The following DCAF1 variants were observed in gnomAD, a reference collection of about 807,000 sequenced individuals.
DCAF1 encodes the protein DDB1 and CUL4 associated factor 1, also known as DDB1- and CUL4-associated factor 1.
Under a neutral mutation model 128.0 loss-of-function variants are expected in DCAF1, and 15 were observed. The ratio of observed to expected loss-of-function variants is 0.12; its 90% CI spans 0.08 to 0.18. The LOEUF (loss-of-function observed/expected upper bound fraction) is 0.18, where lower values mean the gene tolerates loss of function less well. Among genes scored for constraint, DCAF1 ranks in the 10% least tolerant of loss-of-function variants. The pLI is 1.00. For synonymous variants in DCAF1, 610 were observed against 603.0 expected (o/e 1.01, Z -0.17); for missense variants, 988 against 1,649.5 (o/e 0.60, Z 6.95).
intron 4 of DCAF1, among the ~76,000 whole-genome samples, chr3:51,468,975 CTGATT>C (rs1704434321): frequency 1.3e-5 from 2 of 152,264 alleles, no homozygotes; most frequent in African/African-American, 2.4e-5. Context: ...TCTTCATGCT[CTGATT>C]TGAGTTATTG....
intron 5 of DCAF1, 116 bp downstream of exon 5, chr3:51,466,687 A>T: frequency 2.0e-6 from 2 of 978,740 alleles, no homozygotes; most frequent in Non-Finnish European, 3.0e-6. Context: ...TTGGCAAAAA[A>T]CTCTACTCCC....
intron 6 of DCAF1, among the ~76,000 whole-genome samples, chr3:51,448,122 G>A (rs1702049965): frequency 6.6e-6 from 1 of 152,092 alleles, no homozygotes; most frequent in Non-Finnish European, 1.5e-5. Flanking sequence ...TGTACTTCCT[G>A]AATCTGAATG....
intron 2 of DCAF1, among the ~76,000 whole-genome samples, chr3:51,484,588 G>A (rs1243497745): frequency 7.9e-5 from 12 of 152,000 alleles, no homozygotes; most frequent in African/African-American, 2.7e-4. Context: ...CACAAAATGT[G>A]GCCAAAACTA....
chr3:51,419,940 C>A lies in DCAF1; in HGVS notation c.3030G>T (p.Glu1010Asp). ...SPPTLDSIIT[E>D]YLREQHARCK... Reference sequence around the variant, plus strand: ...AGCGAGCATGTTGTTCTCTAAGATACTCTGTGATTATACTGTCCAGCGTAG... The same window carrying A: ...AGCGAGCATGTTGTTCTCTAAGATAATCTGTGATTATACTGTCCAGCGTAG... The change falls in exon 15 of 25, where the codon GAG becomes GAT. Residue 1010 changes from glutamate to aspartate, a missense_variant. By Grantham distance (45) the Glu-to-Asp change is conservative. This residue lies in a region of DCAF1 where 105 missense variants were observed against 266.7 expected (regional missense o/e 0.39). Transcript: ENST00000684031. 4 of 1,614,052 alleles carry A rather than the reference C, an allele frequency of 2.5e-6. No individual in the cohort carries two copies. Among genetic ancestry groups the A allele is most frequent in the Non-Finnish European group, 3.4e-6 (4 of 1,179,910 alleles).
intron 6 of DCAF1, among the ~76,000 whole-genome samples, chr3:51,459,702 A>G (rs1553643935): frequency 6.6e-6 from 1 of 152,232 alleles, no homozygotes; most frequent in African/African-American, 2.4e-5. Flanking sequence ...CAAAAAGCTT[A>G]TCTACCATGA....
At chr3:51,432,391 C>T (rs1287862254) in intron 10 of DCAF1, among the ~76,000 whole-genome samples, 7 of 151,178 alleles carry the variant, frequency 4.6e-5, no homozygotes, top group Admixed American at 4.6e-4. Context: ...TAAAAATACA[C>T]AAACATATAC....
intron 3 of DCAF1, among the ~76,000 whole-genome samples, chr3:51,478,088 C>T (rs1429298727): frequency 5.3e-5 from 8 of 152,112 alleles, no homozygotes; most frequent in Non-Finnish European, 1.2e-4. Flanking sequence ...ACTGCAGCCT[C>T]GACCTACCTG....
rs1427261850 is a variant in DCAF1 at position 51,462,670 on chromosome 3, C to T, written c.375+444G>A. Among the ~76,000 whole-genome samples the T allele has an allele frequency of 3.4e-5, 5 of 145,584 alleles. No homozygotes were observed. In the East Asian group the frequency reaches 1.0e-3, roughly 30 times the overall value. ...CTGAGGCAGGAGAATCACTTAAGCC[C>T]GGGAGGCAGAGGTTGTAGTGAGCTG... On this transcript the variant is annotated intron_variant, in intron 6 of 24. Transcript: ENST00000684031.
intron 23 of DCAF1, among the ~76,000 whole-genome samples, chr3:51,411,189 A>G (rs1253559487): frequency 6.6e-6 from 1 of 151,772 alleles, no homozygotes; most frequent in African/African-American, 2.4e-5. Context: ...AAAGAGAGAC[A>G]AAGCACCAAG....
At chr3:51,429,956 A>T in intron 11 of DCAF1, 77 bp downstream of exon 11, 1 of 725,436 alleles carries the variant, frequency 1.4e-6, no homozygotes, top group Non-Finnish European at 2.5e-6. Context: ...TCCTTTCTTC[A>T]AGGGTGTGCC....
chr3:51,434,081 CAAA>C (rs1282871237), intron 9 of DCAF1, among the ~76,000 whole-genome samples: 3 of 91,876 alleles, frequency 3.3e-5, no homozygotes, highest in African/African-American at 4.2e-5. Context: ...GACCCTGTCT[CAAA>C]AAAAAAAAAA....
At chr3:51,483,518 G>A (rs1553653842) in intron 3 of DCAF1, among the ~76,000 whole-genome samples, 1 of 151,560 alleles carries the variant, frequency 6.6e-6, no homozygotes, top group Non-Finnish European at 1.5e-5. Flanking sequence ...TAAATCTGAG[G>A]AAAGAAAAAA....
At chr3:51,417,970 C>T (rs1553630968) in intron 17 of DCAF1, 146 bp downstream of exon 17, 2 of 1,002,710 alleles carry the variant, frequency 2.0e-6, no homozygotes, top group African/African-American at 1.6e-5. Context: ...TCTTATTAAA[C>T]ATGAGTCTTA....
intron 13 of DCAF1, among the ~76,000 whole-genome samples, chr3:51,424,116 G>T (rs1699685771): frequency 6.6e-6 from 1 of 152,008 alleles, no homozygotes; most frequent in Non-Finnish European, 1.5e-5. Flanking sequence ...AGAAATGTTG[G>T]ATGTCTTTTG....
intron 6 of DCAF1, among the ~76,000 whole-genome samples, chr3:51,444,605 G>A (rs1553639797): frequency 6.6e-6 from 1 of 151,906 alleles, no homozygotes; most frequent in Non-Finnish European, 1.5e-5. Context: ...GCCCACCTCG[G>A]CCTCCCAAAG....
intron 3 of DCAF1, among the ~76,000 whole-genome samples, chr3:51,473,480 G>A (rs1438655661): frequency 4.0e-4 from 24 of 59,870 alleles, no homozygotes; most frequent in Non-Finnish European, 6.9e-4. Flanking sequence ...GACAGAATGA[G>A]ACTCCATCTC....
intron 6 of DCAF1, among the ~76,000 whole-genome samples, chr3:51,457,698 G>A (rs1267071500): frequency 6.6e-6 from 1 of 152,226 alleles, no homozygotes; most frequent in Non-Finnish European, 1.5e-5. Flanking sequence ...AAGCCCATCA[G>A]ACTAACAGCT....
chr3:51,495,704 A>G (rs1199895076), intron 2 of DCAF1, among the ~76,000 whole-genome samples: 1 of 151,588 alleles, frequency 6.6e-6, no homozygotes, highest in Non-Finnish European at 1.5e-5. Context: ...ACCAGCCTGG[A>G]CAACATGGTG....
intron 6 of DCAF1, among the ~76,000 whole-genome samples, chr3:51,448,572 A>G (rs1049081378): frequency 1.5e-4 from 23 of 152,200 alleles, no homozygotes; most frequent in African/African-American, 4.8e-4. Context: ...TTTTTCATAA[A>G]GTCTTGGACT....
Sources: allele counts gnomAD v4.1 joint callset (sites outside exome capture counted in the v4.1 genomes callset), GRCh38; gene constraint gnomAD v4.1.1; regional missense constraint gnomAD v4.1.1; transcripts MANE v1.5; gene names NCBI Gene and HGNC (gene_info 2026-07-23, HGNC 2026-07-21).